Variants in PDCL2 observed in about 807,000 individuals in gnomAD.
The protein encoded by PDCL2 is phosducin-like protein 2.
In PDCL2, 23 loss-of-function variants were observed where a neutral mutation model predicts 30.3. The ratio of observed to expected loss-of-function variants is 0.76; its 90% CI spans 0.55 to 1.08. The LOEUF (loss-of-function observed/expected upper bound fraction) is 1.08, where lower values mean the gene tolerates loss of function less well. PDCL2 is among the 50% of genes least tolerant of loss of function. The pLI is 0.00. For synonymous variants in PDCL2, 68 were observed against 86.2 expected (o/e 0.79, Z 1.17); for missense variants, 243 against 282.3 (o/e 0.86, Z 1.00).
intron 3 of PDCL2, among the ~76,000 whole-genome samples, chr4:55,579,037 G>A (rs187648447): frequency 1.4e-3 from 206 of 152,106 alleles, no homozygotes; most frequent in Non-Finnish European, 2.5e-3. Flanking sequence ...CATGTATTAA[G>A]TTATTTATTT....
chr4:55,566,561 T>G (rs1204422106), intron 4 of PDCL2, among the ~76,000 whole-genome samples: 1 of 150,590 alleles, frequency 6.6e-6, no homozygotes, highest in African/African-American at 2.4e-5. Flanking sequence ...TTGCTGGGAC[T>G]ACAGGCATGC....
At chr4:55,585,543 G>C (rs77496523) in intron 1 of PDCL2, among the ~76,000 whole-genome samples, 3 of 125,872 alleles carry the variant, frequency 2.4e-5, no homozygotes, top group South Asian at 2.7e-4. Context: ...CACACACACA[G>C]ACACACACAC....
chr4:55,589,237 G>A (rs1035123138), intron 1 of PDCL2, among the ~76,000 whole-genome samples: 2 of 152,238 alleles, frequency 1.3e-5, no homozygotes, highest in East Asian at 3.9e-4. Context: ...TTGGTTCATG[G>A]TCTCATGGTG....
chr4:55,569,656 A>C, intron 4 of PDCL2, 62 bp downstream of exon 4: 2 of 1,353,124 alleles, frequency 1.5e-6, no homozygotes, highest in Non-Finnish European at 2.0e-6. Flanking sequence ...AAAACCTTAA[A>C]ACCAAAAATA....
At chr4:55,567,154 G>T (rs1732288912) in intron 4 of PDCL2, among the ~76,000 whole-genome samples, 1 of 152,146 alleles carries the variant, frequency 6.6e-6, no homozygotes. Flanking sequence ...AATAGTATAG[G>T]TAATATGGAA....
At chr4:55,557,388 C>T (rs541252615) in intron 5 of PDCL2, among the ~76,000 whole-genome samples, 86 of 152,202 alleles carry the variant, frequency 5.7e-4, no homozygotes, top group African/African-American at 2.0e-3. Flanking sequence ...GAAGTTATCC[C>T]ATGGCAGAAT....
chr4:55,573,502 C>T (rs1732483606), intron 3 of PDCL2, among the ~76,000 whole-genome samples: 1 of 152,128 alleles, frequency 6.6e-6, no homozygotes, highest in African/African-American at 2.4e-5. Context: ...GTAATCCCAG[C>T]ACTTTGGGAG....
chr4:55,581,188 G>A (rs938577834), intron 2 of PDCL2, among the ~76,000 whole-genome samples: 4 of 151,914 alleles, frequency 2.6e-5, no homozygotes, highest in African/African-American at 7.3e-5. Flanking sequence ...CTAGCTACTC[G>A]GGAGGCTGAG....
At position 55,592,207 on chromosome 4, in the gene PDCL2, C is replaced by T. The variant is rs577548852; in HGVS notation, c.-98G>A. 3 of 1,538,058 alleles carry T rather than the reference C, an allele frequency of 2.0e-6. No individual in the cohort carries two copies. In the South Asian group the frequency reaches 3.6e-5, roughly 18 times the overall value. Reference sequence around the variant, plus strand: ...GCCTTCTCCAGGCTGGAAGAGCGCCCGCTTCAGGCCCGGCGGTTTCGAGTG... The same window carrying T: ...GCCTTCTCCAGGCTGGAAGAGCGCCTGCTTCAGGCCCGGCGGTTTCGAGTG... On this transcript the variant is annotated 5_prime_UTR_variant, in exon 1 of 6. Transcript: ENST00000295645.
intron 1 of PDCL2, among the ~76,000 whole-genome samples, chr4:55,586,208 C>T (rs929354445): frequency 1.3e-5 from 2 of 152,040 alleles, no homozygotes; most frequent in African/African-American, 4.8e-5. Flanking sequence ...CTAATTTCTT[C>T]TTTGACCCAT....
At chr4:55,566,229 G>A (rs914843650) in intron 4 of PDCL2, among the ~76,000 whole-genome samples, 3 of 151,668 alleles carry the variant, frequency 2.0e-5, no homozygotes, top group East Asian at 1.9e-4. Context: ...TGATCCGCCC[G>A]CCTCGGCCTC....
intron 3 of PDCL2, among the ~76,000 whole-genome samples, chr4:55,575,070 A>T (rs1454475213): frequency 6.6e-6 from 1 of 152,130 alleles, no homozygotes; most frequent in Admixed American, 6.5e-5. Context: ...TATTATAACC[A>T]CCTTAGTGTG....
intron 5 of PDCL2, among the ~76,000 whole-genome samples, chr4:55,558,355 A>C (rs1373934131): frequency 6.6e-6 from 1 of 152,102 alleles, no homozygotes; most frequent in African/African-American, 2.4e-5. Flanking sequence ...GTGAGTTCTC[A>C]TAAGATCTGA....
rs558785562 is a variant in PDCL2, at chr4:55,588,953, G to A, written c.6+3151C>T. Among the ~76,000 whole-genome samples the A allele has an allele frequency of 4.6e-5, 7 of 151,960 alleles. No individual in the cohort carries two copies. In the East Asian group the frequency reaches 1.4e-3, roughly 29 times the overall value. On this transcript the variant is annotated intron_variant, in intron 1 of 5. Coordinates refer to ENST00000295645, the MANE Select transcript of PDCL2 (RefSeq NM_152401.3). The stretch of plus-strand genomic sequence containing the variant: ...GCTCACTGCAAGCTCTGCCTCCTGG[G>A]TTCATGCCATTCTCTTGCCTCAGCC...
At chr4:55,579,863 C>T (rs74987189) in intron 3 of PDCL2, among the ~76,000 whole-genome samples, 2 of 139,816 alleles carry the variant, frequency 1.4e-5, no homozygotes, top group Non-Finnish European at 3.1e-5. Flanking sequence ...TTTTTTTTTT[C>T]GAGGTGGAGT....
intron 5 of PDCL2, 106 bp from the exon 6 acceptor site, chr4:55,556,817 T>C (rs1328632761): frequency 3.2e-6 from 3 of 949,672 alleles, no homozygotes; most frequent in Admixed American, 3.8e-5. Flanking sequence ...ATGGAAATGA[T>C]GATATATTTA....
intron 3 of PDCL2, among the ~76,000 whole-genome samples, chr4:55,572,851 C>T (rs1411618784): frequency 2.0e-5 from 3 of 152,006 alleles, no homozygotes; most frequent in Admixed American, 1.3e-4. Context: ...GCTCCGCCTC[C>T]CGGGTTCACG....
chr4:55,584,675 A>G (rs1044908791), intron 1 of PDCL2, among the ~76,000 whole-genome samples: 1 of 152,192 alleles, frequency 6.6e-6, no homozygotes, highest in Admixed American at 6.5e-5. Flanking sequence ...AGATTACATC[A>G]TCAGCAAACA....
rs767512543 is a variant in PDCL2, at chr4:55,560,188, AAG to A, written c.571+2214_571+2215del. On this transcript the variant is annotated intron_variant, in intron 5 of 5. Coordinates refer to ENST00000295645, the MANE Select transcript of PDCL2 (RefSeq NM_152401.3). ...TTCATTGATATCTGTCTCAAAAAAA[AAG>A]GGGGGGGGGACGAGATACACACTAA... Among the ~76,000 whole-genome samples the A allele has an allele frequency of 7.5e-3, 513 of 68,192 alleles. 3 individuals carry two copies. The highest frequency in any genetic ancestry group is 0.026 in the African/African-American group (463 of 17,946). 44.7% of individuals were successfully genotyped at this position (68,192 alleles called of 152,430 possible).
Sources: gnomAD v4.1 joint callset for allele counts (sites outside exome capture counted in the v4.1 genomes callset) on GRCh38, gnomAD v4.1.1 for gene constraint, MANE v1.5 for transcripts, NCBI Gene and HGNC (gene_info 2026-07-23, HGNC 2026-07-21) for gene names.